Variants in ZAN observed in about 807,000 individuals in gnomAD.
The protein encoded by ZAN is zonadhesin, also known as zonadhesin (gene/pseudogene).
A neutral mutation model predicts 286.2 loss-of-function variants in ZAN; 260 were observed. That is an observed-to-expected ratio of 0.91 (90% CI 0.82 to 1.01). ZAN has a LOEUF of 1.01. ZAN is among the 50% of genes least tolerant of loss of function. The probability of loss-of-function intolerance (pLI) is 0.00; values close to 1 mark genes in which losing one functional copy is unlikely to be tolerated. For missense variants in ZAN, 3,410 were observed against 3,639.2 expected (o/e 0.94, Z 1.62); for synonymous variants, 1,368 against 1,417.5 (o/e 0.97, Z 0.79).
chr7:100,758,496 G>A, intron 16 of ZAN, 35 bp from the exon 17 acceptor site: 4 of 1,553,762 alleles, frequency 2.6e-6, no homozygotes, highest in Non-Finnish European at 3.5e-6. Context: ...AGGAGCCACA[G>A]AAGCAGCTTC....
In ZAN at chr7:100,793,767, CCT is replaced by C. The variant is rs539283429; in HGVS notation, c.7788-52_7788-51del. 1,561 of 1,527,462 alleles carry C rather than the reference CCT, an allele frequency of 1.0e-3. 5 individuals are homozygous for C. Among genetic ancestry groups the C allele is most frequent in the African/African-American group, 1.0e-2 (722 of 72,526 alleles). The allele number at this position is 1,527,462 out of a possible 1,614,324, so 94.6% of individuals were successfully genotyped here. On this transcript the variant is annotated intron_variant, in intron 42 of 47. Transcript: ENST00000613979. Reference sequence around the variant, plus strand: ...CTGAGTTTTATCGGGTGACCTTGCCCCTGTTTGGCCTGCCCAGCCCCAGCCAG... The same window carrying C: ...CTGAGTTTTATCGGGTGACCTTGCCCGTTTGGCCTGCCCAGCCCCAGCCAG...
At position 100,767,251 on chromosome 7, in the gene ZAN, G is replaced by C; in HGVS notation, c.4854G>C (p.Lys1618Asn). 6.2e-7 allele frequency: 1 copy of C among 1,607,056 alleles called. No homozygotes were observed. Among genetic ancestry groups the C allele is most frequent in the South Asian group, 1.1e-5 (1 of 91,000 alleles). Reference sequence around the variant, plus strand: ...GCATCTCACTGCTCAGAGGCTGTAAGGTCATGGTGGGTGTCTTCCTCCTGC... The same window carrying C: ...GCATCTCACTGCTCAGAGGCTGTAACGTCATGGTGGGTGTCTTCCTCCTGC... ...DLSISLLRGCKVMLNGHRVAL... is the reference protein window; with the variant it reads ...DLSISLLRGCNVMLNGHRVAL... The change falls in exon 25 of 48, where the codon AAG (lysine) becomes AAC (asparagine). Residue 1618 changes from lysine (K) to asparagine (N), a missense_variant. By Grantham distance (94) the Lys-to-Asn change is moderately conservative. This residue lies in a region of ZAN where 1,042 missense variants were observed against 1,058.0 expected (regional missense o/e 0.98). Transcript: ENST00000613979.
intron 18 of ZAN, among the ~76,000 whole-genome samples, chr7:100,760,178 C>T (rs1384990147): frequency 2.0e-5 from 3 of 152,134 alleles, no homozygotes; most frequent in African/African-American, 7.2e-5. Flanking sequence ...TGCACCATTG[C>T]ACTCCAGCCT....
Position 100,766,581 on chromosome 7 carries a change from C to T in ZAN, c.4527C>T (p.Asn1509=), listed in dbSNP as rs1475108929. The change falls in exon 24 of 48, where the codon AAC becomes AAT. Residue 1509 remains asparagine, a synonymous_variant. Coordinates refer to ENST00000613979, the MANE Select transcript of ZAN (RefSeq NM_003386.3). Reference sequence around the variant, plus strand: ...AAGAGTTGTGCGTCTGTGAAAGCAACAACAGAATTCGCTGCCAGCCCTGGA... The same window carrying T: ...AAGAGTTGTGCGTCTGTGAAAGCAATAACAGAATTCGCTGCCAGCCCTGGA... ...GCKELCVCES[N]NRIRCQPWRC... is the part of the protein sequence containing the mutation. 1.4e-5 allele frequency: 22 copies of T among 1,552,462 alleles called. No homozygotes were observed. The highest frequency in any genetic ancestry group is 1.9e-5 in the Non-Finnish European group (22 of 1,147,542).
intron 35 of ZAN, among the ~76,000 whole-genome samples, chr7:100,781,543 A>G (rs1811195827): frequency 6.6e-6 from 1 of 152,030 alleles, no homozygotes; most frequent in Non-Finnish European, 1.5e-5. Context: ...GCCGCTGCTC[A>G]GCTGCCCCAC....
chr7:100,746,246 A>G (rs1268795997), intron 7 of ZAN, among the ~76,000 whole-genome samples: 2 of 152,064 alleles, frequency 1.3e-5, no homozygotes, highest in East Asian at 3.9e-4. Context: ...AAAAACAAAA[A>G]CAAAACAACA....
At chr7:100,790,041 T>C (rs1482465563) in intron 39 of ZAN, among the ~76,000 whole-genome samples, 5 of 151,388 alleles carry the variant, frequency 3.3e-5, no homozygotes, top group Admixed American at 6.6e-5. Flanking sequence ...GGAGGATCGC[T>C]TGAGGCCAGG....
chr7:100,769,728 G>C (rs1443464095), intron 27 of ZAN, among the ~76,000 whole-genome samples, 152 bp from the exon 28 acceptor site: 1 of 151,860 alleles, frequency 6.6e-6, no homozygotes, highest in Middle Eastern at 3.2e-3. Context: ...AAAATTTTGT[G>C]TAGAGATAGG....
chr7:100,782,127 G>A (rs1375409972), intron 35 of ZAN, among the ~76,000 whole-genome samples: 2 of 151,226 alleles, frequency 1.3e-5, no homozygotes, highest in African/African-American at 4.9e-5. Flanking sequence ...GTTATGGAAA[G>A]TAGACCTTTA....
In ZAN at chr7:100,750,695, G is replaced by C; in HGVS notation, c.1320G>C (p.Arg440=). 6.2e-7 allele frequency: 1 copy of C among 1,613,182 alleles called. No individual in the cohort carries two copies. Among genetic ancestry groups the C allele is most frequent in the African/African-American group, 1.3e-5 (1 of 75,042 alleles). ...GCCAGTCAGTCAGACTGGTGAGCCGGCCCTTCTGCGCCCCAGGTGACATCT... is the reference window on the plus strand; with the variant it reads ...GCCAGTCAGTCAGACTGGTGAGCCGCCCCTTCTGCGCCCCAGGTGACATCT... ...QAGQSVRLVS[R]PFCAPGDICV... The change falls in exon 12 of 48, where the codon CGG becomes CGC. Residue 440 remains arginine, a synonymous_variant. Transcript: ENST00000613979.
At chr7:100,744,068 TTCC>T (rs1808008046) in intron 7 of ZAN, among the ~76,000 whole-genome samples, 1 of 149,928 alleles carries the variant, frequency 6.7e-6, no homozygotes, top group South Asian at 2.1e-4. Flanking sequence ...CTCAATCCAT[TTCC>T]TCCCTTCCAC....
At chr7:100,789,953 AT>A (rs879256070) in intron 39 of ZAN, among the ~76,000 whole-genome samples, 42 of 147,724 alleles carry the variant, frequency 2.8e-4, no homozygotes, top group East Asian at 8.1e-4. Flanking sequence ...CTCAAAAAAA[AT>A]TTTTTTTTTT....
In ZAN at chr7:100,773,315, G is replaced by A. The variant is rs781563338; in HGVS notation, c.5456G>A (p.Ser1819Asn). ...PMRCPPGSSY[S>N]PCSSPCPDTC... ...AGGTGCCCACCTGGCAGCAGCTACA[G>A]CCCCTGCAGCAGCCCCTGCCCAGAC... The change falls in exon 30 of 48, where the codon AGC becomes AAC. Residue 1819 changes from serine to asparagine, a missense_variant. Physicochemically the swap from Ser to Asn is conservative, Grantham distance 46. Coordinates refer to ENST00000613979, the MANE Select transcript of ZAN (RefSeq NM_003386.3). 1 of 1,613,788 alleles carries A rather than the reference G, an allele frequency of 6.2e-7. No individual in the cohort carries two copies. The highest frequency in any genetic ancestry group is 8.5e-7 in the Non-Finnish European group (1 of 1,179,902).
At chr7:100,774,522 T>G (rs932184644) in intron 31 of ZAN, among the ~76,000 whole-genome samples, 2 of 151,796 alleles carry the variant, frequency 1.3e-5, no homozygotes, top group African/African-American at 4.8e-5. Context: ...AAATAAAAGC[T>G]AAAAAGTTAA....
At chr7:100,784,343 T>C (rs1272683865) in intron 35 of ZAN, among the ~76,000 whole-genome samples, 1 of 151,952 alleles carries the variant, frequency 6.6e-6, no homozygotes, top group African/African-American at 2.4e-5. Flanking sequence ...ATGGCCAGGA[T>C]GGTCTCGATC....
chr7:100,793,509 G>A (rs1168122589), intron 42 of ZAN, among the ~76,000 whole-genome samples: 2 of 151,828 alleles, frequency 1.3e-5, no homozygotes, highest in African/African-American at 4.8e-5. Flanking sequence ...GCATGATCTC[G>A]GCTCACTGCA....
chr7:100,775,502 CT>C lies in ZAN; in HGVS notation c.5957del (p.Phe1986SerfsTer24). 6.2e-7 allele frequency: 1 copy of C among 1,613,978 alleles called. No individual in the cohort carries two copies. On this transcript the variant is annotated frameshift_variant, in exon 32 of 48. Transcript: ENST00000613979. LOFTEE classifies it high-confidence loss of function. The stretch of plus-strand genomic sequence containing the variant: ...GAGAAGGAGGAAGGTGGAACTGAGG[CT>C]TTCCGCCTTCATGAGGTCTACATTG... The part of the protein sequence containing the change: ...KHEKEEGGTE[A>X]FRLHEVYIDI...
In ZAN at chr7:100,767,124, C is replaced by T; in HGVS notation, c.4727C>T (p.Ser1576Phe). The change falls in exon 25 of 48, where the codon TCC (serine) becomes TTC (phenylalanine). Residue 1576 changes from serine to phenylalanine, a missense_variant. By Grantham distance (155) the Ser-to-Phe change is radical. Around this residue, in one of 7 missense-constraint regions of ZAN, gnomAD observed 1,042 missense variants for 1,058.0 expected, o/e 0.98. Transcript: ENST00000613979. ...YVLTRPCWSR[S>F]QDSYFVVSAT... ...CTGACCCGGCCTTGCTGGTCCAGGT[C>T]CCAAGACAGCTATTTTGTTGTGAGC... The T allele has an allele frequency of 6.2e-7, 1 of 1,613,914 alleles. No homozygotes were observed. Among genetic ancestry groups the T allele is most frequent in the Non-Finnish European group, 8.5e-7 (1 of 1,179,880 alleles).
chr7:100,780,668 A>T (rs1307387196), intron 35 of ZAN, among the ~76,000 whole-genome samples: 2 of 151,882 alleles, frequency 1.3e-5, no homozygotes, highest in East Asian at 3.9e-4. Flanking sequence ...GAAAAAAAAA[A>T]ATTCTCCCCA....
Sources: gnomAD v4.1 joint callset for allele counts (sites outside exome capture counted in the v4.1 genomes callset) on GRCh38, gnomAD v4.1.1 for gene constraint, gnomAD v4.1.1 regional missense constraint, MANE v1.5 for transcripts, NCBI Gene and HGNC (gene_info 2026-07-23, HGNC 2026-07-21) for gene names.